Variants in STARD13 observed in about 807,000 individuals in gnomAD.
The protein encoded by STARD13 is StAR related lipid transfer domain containing 13, also known as stAR-related lipid transfer protein 13.
In STARD13, 62 loss-of-function variants were observed where a neutral mutation model predicts 106.4. The observed-to-expected ratio is 0.58, with a 90% confidence interval of 0.48 to 0.72. STARD13 has a LOEUF of 0.72. STARD13 is among the 30% of genes least tolerant of loss of function. STARD13 has a pLI of 0.00. For synonymous variants in STARD13, 565 were observed against 553.0 expected (o/e 1.02, Z -0.31); for missense variants, 1,387 against 1,424.0 (o/e 0.97, Z 0.42).
chr13:33,526,611 C>A, the STARD13 span, among the ~76,000 whole-genome samples: 1 of 152,090 alleles, frequency 6.6e-6, no homozygotes, highest in South Asian at 2.1e-4. Flanking sequence ...CAAAGCCAGG[C>A]TCTGACACTT....
chr13:33,481,758 A>G, the STARD13 span, among the ~76,000 whole-genome samples: 5 of 152,150 alleles, frequency 3.3e-5, no homozygotes, highest in East Asian at 5.8e-4. Flanking sequence ...AACTTAAAAA[A>G]TCTGGGTTAG....
the STARD13 span, among the ~76,000 whole-genome samples, chr13:33,421,692 C>G: frequency 6.6e-6 from 1 of 152,120 alleles, no homozygotes; most frequent in African/African-American, 2.4e-5. Context: ...TGCGAAAATC[C>G]TCAATAAAAT....
At chr13:33,364,607 A>C in the STARD13 span, among the ~76,000 whole-genome samples, 1 of 152,142 alleles carries the variant, frequency 6.6e-6, no homozygotes, top group South Asian at 2.1e-4. Context: ...GAAAAAGAGG[A>C]GGCTGGGCGC....
At chr13:33,198,661 A>T (rs1886808245) in intron 1 of STARD13, among the ~76,000 whole-genome samples, 1 of 152,118 alleles carries the variant, frequency 6.6e-6, no homozygotes, top group Admixed American at 6.6e-5. Context: ...CCACAAGAGC[A>T]TGAGCCCCAC....
intron 1 of STARD13, among the ~76,000 whole-genome samples, chr13:33,337,775 C>T (rs1016013718): frequency 6.6e-6 from 1 of 152,192 alleles, no homozygotes. Flanking sequence ...CAAGTCATGG[C>T]TCTACAAGGA....
At chr13:33,114,013 A>C (rs1875004790) in intron 8 of STARD13, among the ~76,000 whole-genome samples, 1 of 152,106 alleles carries the variant, frequency 6.6e-6, no homozygotes, top group Non-Finnish European at 1.5e-5. Context: ...AGGGGTGGGG[A>C]GGTGTGCTCC....
chr13:33,428,826 G>GA, the STARD13 span, among the ~76,000 whole-genome samples: 2 of 152,134 alleles, frequency 1.3e-5, no homozygotes, highest in East Asian at 1.9e-4. Context: ...AACTCTATAG[G>GA]AAAAAATGGA....
chr13:33,472,865 T>C, the STARD13 span, among the ~76,000 whole-genome samples: 3 of 152,250 alleles, frequency 2.0e-5, no homozygotes, highest in African/African-American at 7.2e-5. Context: ...CGAAAATGTC[T>C]AGATTTTAGA....
chr13:33,570,772 C>A, the STARD13 span, among the ~76,000 whole-genome samples: 1 of 152,146 alleles, frequency 6.6e-6, no homozygotes, highest in African/African-American at 2.4e-5. Context: ...CTTTTCCAGA[C>A]TGATCAAATG....
At chr13:33,362,675 C>A in the STARD13 span, among the ~76,000 whole-genome samples, 1 of 152,174 alleles carries the variant, frequency 6.6e-6, no homozygotes, top group East Asian at 1.9e-4. Context: ...ATTTTCTTAA[C>A]TTTTAGGTCT....
chr13:33,541,883 C>A, the STARD13 span, among the ~76,000 whole-genome samples: 4 of 152,122 alleles, frequency 2.6e-5, no homozygotes, highest in African/African-American at 9.7e-5. Context: ...AAAAACAAAG[C>A]CAATGCACTT....
chr13:33,435,374 A>G, the STARD13 span, among the ~76,000 whole-genome samples: 1 of 152,238 alleles, frequency 6.6e-6, no homozygotes, highest in Non-Finnish European at 1.5e-5. Flanking sequence ...AAGCTGATAT[A>G]TCTCAACTAT....
the STARD13 span, among the ~76,000 whole-genome samples, chr13:33,538,757 G>C: frequency 6.6e-6 from 1 of 151,474 alleles, no homozygotes; most frequent in Admixed American, 6.6e-5. Flanking sequence ...GAGTTAATGG[G>C]CACAAACTAT....
chr13:33,169,244 C>T (rs943577801), intron 1 of STARD13, among the ~76,000 whole-genome samples: 6 of 152,212 alleles, frequency 3.9e-5, no homozygotes, highest in African/African-American at 1.4e-4. Context: ...CTGAATTGTG[C>T]TGCCTGGGCT....
the STARD13 span, among the ~76,000 whole-genome samples, chr13:33,628,765 G>A: frequency 6.6e-6 from 1 of 152,094 alleles, no homozygotes; most frequent in African/African-American, 2.4e-5. Context: ...GATGAACAGA[G>A]ACTTTTCAAT....
At chr13:33,534,769 A>T in the STARD13 span, among the ~76,000 whole-genome samples, 1 of 152,204 alleles carries the variant, frequency 6.6e-6, no homozygotes. Flanking sequence ...TTTTATAAAA[A>T]CTTATTTTCC....
the STARD13 span, among the ~76,000 whole-genome samples, chr13:33,591,807 G>GAAA: frequency 6.6e-6 from 1 of 151,058 alleles, no homozygotes; most frequent in African/African-American, 2.4e-5. Context: ...AATATGGAAG[G>GAAA]AAAAAAAAGA....
At chr13:33,269,204 T>G (rs1891043232) in intron 1 of STARD13, among the ~76,000 whole-genome samples, 1 of 152,160 alleles carries the variant, frequency 6.6e-6, no homozygotes, top group Non-Finnish European at 1.5e-5. Flanking sequence ...TAACTACCCT[T>G]TTCCCTAAAA....
At chr13:33,404,939 G>A in the STARD13 span, among the ~76,000 whole-genome samples, 1 of 152,122 alleles carries the variant, frequency 6.6e-6, no homozygotes, top group Non-Finnish European at 1.5e-5. Context: ...ACCACGCAGA[G>A]CTAATTTTTG....
Sources: allele counts gnomAD v4.1 joint callset (sites outside exome capture counted in the v4.1 genomes callset), GRCh38; gene constraint gnomAD v4.1.1; transcripts MANE v1.5; gene names NCBI Gene and HGNC (gene_info 2026-07-23, HGNC 2026-07-21).